Variants in CPQ observed in about 807,000 individuals in gnomAD.
CPQ encodes Ser-Met dipeptidase.
In CPQ, 37 loss-of-function variants were observed where a neutral mutation model predicts 45.7. That is an observed-to-expected ratio of 0.81 (90% CI 0.62 to 1.07). The LOEUF (loss-of-function observed/expected upper bound fraction) is 1.07, where lower values mean the gene tolerates loss of function less well. CPQ is among the 50% of genes least tolerant of loss of function. The pLI is 0.00. For synonymous variants in CPQ, 186 were observed against 205.8 expected (o/e 0.90, Z 0.82); for missense variants, 537 against 572.9 (o/e 0.94, Z 0.64).
At position 97,014,416 on chromosome 8, in the gene CPQ, C is replaced by T. The variant is rs541344481; in HGVS notation, c.962-14987C>T. ...CTGTAATCCCAGCAATTTGGGAGGC[C>T]GAGGCGGGCAGATCACTTGAGGTCA... On this transcript the variant is annotated intron_variant, in intron 5 of 7. Transcript: ENST00000220763. 6.6e-5 allele frequency among the ~76,000 whole-genome samples: 10 copies of T among 151,970 alleles called. No individual in the cohort carries two copies. The South Asian group carries it at 8.3e-4, about 13-fold the overall frequency.
chr8:96,968,001 T>A (rs1813600294), intron 5 of CPQ, among the ~76,000 whole-genome samples: 1 of 152,222 alleles, frequency 6.6e-6, no homozygotes, highest in Admixed American at 6.5e-5. Context: ...TTTTATAACT[T>A]AACTTAATAA....
In CPQ at chr8:97,029,475, A is replaced by G; in HGVS notation, c.1034A>G (p.Gln345Arg). Residue 345 changes from glutamine (Q) to arginine (R), a missense_variant, in exon 6 of 8, where the codon CAG becomes CGG. Transcript: ENST00000220763. Reference protein sequence around the residue: ...AEEQGGVGAFQYYQLHKVNIS... With the variant: ...AEEQGGVGAFRYYQLHKVNIS... ...GAACAAGGTGGAGTTGGTGCCTTCCAGTATTATCAGTTACACAAGGTAAAA... is the reference window on the plus strand; with the variant it reads ...GAACAAGGTGGAGTTGGTGCCTTCCGGTATTATCAGTTACACAAGGTAAAA... 1 of 1,605,544 alleles carries G rather than the reference A, an allele frequency of 6.2e-7. No homozygotes were observed.
At chr8:97,080,004 A>G (rs1810917806) in intron 7 of CPQ, among the ~76,000 whole-genome samples, 1 of 152,176 alleles carries the variant, frequency 6.6e-6, no homozygotes, top group South Asian at 2.1e-4. Flanking sequence ...ATGCTAGGGC[A>G]CAATCCTAGC....
Position 96,866,546 on chromosome 8 carries a change from A to G in CPQ, c.642-13252A>G, listed in dbSNP as rs569696260. On this transcript the variant is annotated intron_variant, in intron 3 of 7. Transcript: ENST00000220763. ...TGATAGCATTTTTGTATGATTTAACATATTTATAGGTGTTAATTTCTCACA... is the reference window on the plus strand; with the variant it reads ...TGATAGCATTTTTGTATGATTTAACGTATTTATAGGTGTTAATTTCTCACA... Among the ~76,000 whole-genome samples, 9 of 152,170 alleles carry G rather than the reference A, an allele frequency of 5.9e-5. No individual in the cohort carries two copies. The East Asian group carries it at 1.7e-3, about 29-fold the overall frequency.
chr8:97,054,670 T>G (rs1418250525), intron 6 of CPQ, among the ~76,000 whole-genome samples: 1 of 152,156 alleles, frequency 6.6e-6, no homozygotes, highest in Non-Finnish European at 1.5e-5. Context: ...AATTCAGGAA[T>G]GGAAAACCAA....
intron 1 of CPQ, among the ~76,000 whole-genome samples, chr8:96,736,308 C>G (rs1467880650): frequency 6.6e-6 from 1 of 152,094 alleles, no homozygotes; most frequent in African/African-American, 2.4e-5. Context: ...CAGTAGTATT[C>G]CAAGAGCTGC....
chr8:96,929,039 C>T (rs1812933914), intron 4 of CPQ, among the ~76,000 whole-genome samples: 1 of 152,170 alleles, frequency 6.6e-6, no homozygotes, highest in Non-Finnish European at 1.5e-5. Context: ...CAGCCAACGT[C>T]TATTTTGCAC....
intron 7 of CPQ, among the ~76,000 whole-genome samples, chr8:97,121,160 A>G (rs1436784686): frequency 4.6e-5 from 7 of 152,252 alleles, no homozygotes. Flanking sequence ...TCAGGTGCTG[A>G]AATGTAGGAG....
At chr8:96,757,947 T>C (rs1403444496) in intron 1 of CPQ, among the ~76,000 whole-genome samples, 1 of 152,236 alleles carries the variant, frequency 6.6e-6, no homozygotes, top group Non-Finnish European at 1.5e-5. Context: ...TCACACATTT[T>C]GCCCAGATTT....
At chr8:96,983,146 A>AT (rs1813935634) in intron 5 of CPQ, among the ~76,000 whole-genome samples, 1 of 152,200 alleles carries the variant, frequency 6.6e-6, no homozygotes, top group African/African-American at 2.4e-5. Flanking sequence ...GAATATGTAT[A>AT]TAAAAAATGG....
At chr8:96,691,194 T>G (rs1475541044) in intron 1 of CPQ, among the ~76,000 whole-genome samples, 1 of 152,192 alleles carries the variant, frequency 6.6e-6, no homozygotes, top group Admixed American at 6.5e-5. Flanking sequence ...AATTCTTCCT[T>G]GCCTCTTCCA....
At chr8:97,099,142 T>TTTC (rs1356649967) in intron 7 of CPQ, among the ~76,000 whole-genome samples, 12 of 139,892 alleles carry the variant, frequency 8.6e-5, no homozygotes, top group Non-Finnish European at 1.5e-4. Context: ...TTTTTTTTTT[T>TTTC]GTGATGAAGT....
chr8:96,917,689 T>C (rs1231408238), intron 4 of CPQ, among the ~76,000 whole-genome samples: 1 of 152,172 alleles, frequency 6.6e-6, no homozygotes, highest in Non-Finnish European at 1.5e-5. Context: ...GTGTGTATAC[T>C]AACCCATCTG....
chr8:97,128,253 A>G (rs911431066), intron 7 of CPQ, among the ~76,000 whole-genome samples: 1 of 152,184 alleles, frequency 6.6e-6, no homozygotes, highest in African/African-American at 2.4e-5. Flanking sequence ...TGGGCATCAC[A>G]ATAGGAACTG....
intron 1 of CPQ, among the ~76,000 whole-genome samples, chr8:96,688,205 A>G (rs1182211426): frequency 3.3e-5 from 5 of 151,958 alleles, no homozygotes. Flanking sequence ...ATCTTTTTTC[A>G]TTGAACATAT....
At chr8:96,977,377 T>A (rs1055011885) in intron 5 of CPQ, among the ~76,000 whole-genome samples, 7 of 152,004 alleles carry the variant, frequency 4.6e-5, no homozygotes, top group Non-Finnish European at 1.0e-4. Context: ...GGGAACACTT[T>A]TACACTGATG....
At chr8:97,122,927 T>TAAAATAAATAAAATA (rs1336501970) in intron 7 of CPQ, among the ~76,000 whole-genome samples, 1 of 38,886 alleles carries the variant, frequency 2.6e-5, no homozygotes, top group East Asian at 6.9e-4. Context: ...TAAAATAAAA[T>TAAAATAAATAAAATA]AAATAAAATA....
intron 6 of CPQ, among the ~76,000 whole-genome samples, chr8:97,059,807 C>T (rs1810516960): frequency 6.6e-6 from 1 of 152,090 alleles, no homozygotes; most frequent in Admixed American, 6.6e-5. Flanking sequence ...AGCATCACCA[C>T]CATTATCTGT....
chr8:96,675,935 G>T (rs1455087869), intron 1 of CPQ, among the ~76,000 whole-genome samples: 1 of 151,568 alleles, frequency 6.6e-6, no homozygotes, highest in Admixed American at 6.6e-5. Flanking sequence ...GTGCATTTTT[G>T]GTGTATGTAA....
Sources: allele counts gnomAD v4.1 joint callset (sites outside exome capture counted in the v4.1 genomes callset), GRCh38; gene constraint gnomAD v4.1.1; transcripts MANE v1.5; gene names NCBI Gene and HGNC (gene_info 2026-07-23, HGNC 2026-07-21).